Variants in SMYD4 observed in about 807,000 individuals in gnomAD.
SMYD4 encodes SET and MYND domain containing 4, also known as protein-lysine N-methyltransferase SMYD4.
SMYD4 carries 68 observed loss-of-function variants against 72.8 expected under a neutral mutation model. The ratio of observed to expected loss-of-function variants is 0.93; its 90% CI spans 0.77 to 1.14. SMYD4 has a LOEUF of 1.14. Ranked by LOEUF, SMYD4 falls within the 50% of genes most tolerant of loss-of-function variation. The pLI, the probability that SMYD4 is intolerant of heterozygous loss-of-function variation, is 0.00. For synonymous variants in SMYD4, 407 were observed against 388.6 expected, an observed-to-expected ratio of 1.05 and a Z score of -0.56; for missense variants, 984 against 1,003.7, an observed-to-expected ratio of 0.98 and a Z score of 0.27.
rs1345575975 is a variant in SMYD4, at chr17:1,795,512, A to T, written c.1537+4345T>A. 2.6e-5 allele frequency among the ~76,000 whole-genome samples: 4 copies of T among 152,110 alleles called. No individual in the cohort carries two copies. In the East Asian group the frequency reaches 7.7e-4, roughly 29 times the overall value. Reference sequence around the variant, plus strand: ...GGCTGGAGTACAGTGGCACGATCTCAGCTCACTGCAACCTCTACCTTCCAA... The same window carrying T: ...GGCTGGAGTACAGTGGCACGATCTCTGCTCACTGCAACCTCTACCTTCCAA... On this transcript the variant is annotated intron_variant, in intron 5 of 10. Transcript: ENST00000305513.
At chr17:1,785,701 G>T (rs976986074) in intron 7 of SMYD4, among the ~76,000 whole-genome samples, 3 of 150,040 alleles carry the variant, frequency 2.0e-5, no homozygotes, top group Non-Finnish European at 4.4e-5. Context: ...TTGAGGCTGT[G>T]GTAAGCAGAG....
chr17:1,781,658 CG>C (rs1908371511), intron 10 of SMYD4: 2 of 352,588 alleles, frequency 5.7e-6, no homozygotes, highest in Non-Finnish European at 9.9e-6. Context: ...CCTGAGAACA[CG>C]AGGCAAATCT....
At chr17:1,797,491 T>C (rs775966179) in intron 5 of SMYD4, among the ~76,000 whole-genome samples, 8 of 152,266 alleles carry the variant, frequency 5.3e-5, no homozygotes, top group Non-Finnish European at 1.0e-4. Flanking sequence ...TAGTGTTATC[T>C]ATAGGCTCCA....
At position 1,781,418 on chromosome 17, in the gene SMYD4, C is replaced by T. The variant is rs371815483; in HGVS notation, c.2283G>A (p.Leu761=). 2.5e-6 allele frequency: 4 copies of T among 1,613,874 alleles called. No homozygotes were observed. The highest frequency in any genetic ancestry group is 2.7e-5 in the African/African-American group (2 of 74,890). ...CCTCCTCAGCTTTCTGTATTGTGCT[C>T]AGGGCTTCGGGTACTGCAAACCTGA... is the stretch of plus-strand genomic sequence containing the variant. ...FFNGFAVPEA[L]STIQKAEEVL... Residue 761 remains leucine (L), a synonymous_variant, in exon 11 of 11, where the codon CTG becomes CTA. Transcript: ENST00000305513.
chr17:1,792,449 C>A (rs1909100499), intron 5 of SMYD4, among the ~76,000 whole-genome samples: 1 of 152,104 alleles, frequency 6.6e-6, no homozygotes, highest in Non-Finnish European at 1.5e-5. Context: ...GAGATGGAGA[C>A]CACCTTGCTA....
chr17:1,800,175 T>C lies in SMYD4; in HGVS notation c.1219A>G (p.Thr407Ala). ...ESEKNGNIVE[T>A]PIPGCDINGK... is the part of the protein sequence containing the mutation. ...TTAATATCGCATCCAGGAATTGGGG[T>C]CTCAACGATGTTGCCATTTTTCTCA... The change falls in exon 5 of 11, where the codon ACC (threonine) becomes GCC (alanine). Residue 407 changes from threonine (T) to alanine (A), a missense_variant. By Grantham distance (58) the Thr-to-Ala change is moderately conservative (BLOSUM62 0). Coordinates refer to ENST00000305513, the MANE Select transcript of SMYD4 (RefSeq NM_052928.3). 1 of 1,610,706 alleles carries C rather than the reference T, an allele frequency of 6.2e-7. No individual in the cohort carries two copies. Among genetic ancestry groups the C allele is most frequent in the East Asian group, 2.2e-5 (1 of 44,822 alleles).
Position 1,800,417 on chromosome 17 carries a change from G to A in SMYD4, c.977C>T (p.Ala326Val), listed in dbSNP as rs17857049. Residue 326 changes from alanine (A) to valine (V), a missense_variant, in exon 5 of 11, where the codon GCC becomes GTC. Transcript: ENST00000305513. ...TTCTGTCCTGTGGTAGAGCTCCCAG[G>A]CCTGCTGCAAACACTCCTGGCTGCA... ...KYCSQECLQQAWELYHRTECP... is the reference protein window; with the variant it reads ...KYCSQECLQQVWELYHRTECP... 4 of 1,614,138 alleles carry A rather than the reference G, an allele frequency of 2.5e-6. No individual in the cohort carries two copies. Among genetic ancestry groups the A allele is most frequent in the Non-Finnish European group, 3.4e-6 (4 of 1,180,038 alleles).
intron 4 of SMYD4, among the ~76,000 whole-genome samples, chr17:1,802,943 G>A (rs185054230): frequency 5.5e-4 from 84 of 152,306 alleles, no homozygotes; most frequent in African/African-American, 1.9e-3. Flanking sequence ...CACAAGGTCA[G>A]GAGTTTGAGA....
chr17:1,802,319 C>A (rs771420183), intron 4 of SMYD4, among the ~76,000 whole-genome samples: 1 of 151,966 alleles, frequency 6.6e-6, no homozygotes, highest in African/African-American at 2.4e-5. Context: ...AGATGAGACC[C>A]TGGGCTCTAT....
At position 1,804,656 on chromosome 17, in the gene SMYD4, C is replaced by T. The variant is rs1436039487; in HGVS notation, c.339G>A (p.Ser113=). The T allele has an allele frequency of 1.1e-5, 17 of 1,613,618 alleles. No homozygotes were observed. The highest frequency in any genetic ancestry group is 3.3e-5 in the Admixed American group (2 of 59,986). Residue 113 remains serine, a synonymous_variant, in exon 4 of 11, where the codon TCG becomes TCA. Transcript: ENST00000305513. ...ACTGACCCAGGTGGAAGAGGGCTGC[C>T]GAGCGGTTAGCATGACACAGTGACA... The part of the protein sequence containing the change: ...EDMSLCHANR[S]AALFHLGQYE...
At chr17:1,814,123 G>A (rs539762999) in intron 2 of SMYD4, among the ~76,000 whole-genome samples, 2 of 151,880 alleles carry the variant, frequency 1.3e-5, no homozygotes, top group South Asian at 4.2e-4. Flanking sequence ...TGGGCAACAT[G>A]GGAAGACCCT....
At chr17:1,788,432 C>A (rs928726752) in intron 5 of SMYD4, among the ~76,000 whole-genome samples, 1 of 151,898 alleles carries the variant, frequency 6.6e-6, no homozygotes, top group African/African-American at 2.4e-5. Context: ...TCTTTTCAGG[C>A]CCATAGTTTA....
chr17:1,788,782 T>C (rs1460250628), intron 5 of SMYD4, among the ~76,000 whole-genome samples: 4 of 152,102 alleles, frequency 2.6e-5, no homozygotes, highest in African/African-American at 9.7e-5. Context: ...AAAGAAAGCA[T>C]GGTGGATAAT....
intron 5 of SMYD4, 113 bp from the exon 6 acceptor site, chr17:1,787,717 T>C (rs1001218147): frequency 9.3e-7 from 1 of 1,069,694 alleles, no homozygotes; most frequent in Non-Finnish European, 1.3e-6. Flanking sequence ...GTGTGAGTCA[T>C]GGCTCCACAG....
chr17:1,806,549 T>C (rs1460118873), intron 3 of SMYD4, among the ~76,000 whole-genome samples: 1 of 152,042 alleles, frequency 6.6e-6, no homozygotes, highest in Non-Finnish European at 1.5e-5. Context: ...ACTAAATATG[T>C]GAAAAAAAAT....
chr17:1,813,061 C>T (rs1910418964), intron 2 of SMYD4, among the ~76,000 whole-genome samples: 1 of 152,210 alleles, frequency 6.6e-6, no homozygotes, highest in Admixed American at 6.5e-5. Flanking sequence ...GCCTCACCCT[C>T]CCGAGTAGCG....
In SMYD4 at chr17:1,781,935, C is replaced by G. The variant is rs376980713; in HGVS notation, c.2262-496G>C. On this transcript the variant is annotated intron_variant, in intron 10 of 10. Transcript: ENST00000305513. ...TGACCTAACTCTGCAGCCCTTTTCT[C>G]TCTCTCTGACCAAACAGAATGTCTC... The G allele has an allele frequency of 1.9e-4, 29 of 154,216 alleles. 1 individual carries two copies. In the South Asian group the frequency reaches 5.9e-3, roughly 31 times the overall value. The allele number at this position is 154,216 out of a possible 1,614,324, so 9.6% of individuals were successfully genotyped here.
chr17:1,781,304 A>G lies in SMYD4; in HGVS notation c.2397T>C (p.Pro799=). The G allele has an allele frequency of 6.2e-7, 1 of 1,613,466 alleles. No homozygotes were observed. The highest frequency in any genetic ancestry group is 8.5e-7 in the Non-Finnish European group (1 of 1,180,008). ...KSCLLDLPPT[P]VGPAL is the part of the protein sequence containing the mutation. ...TGGAACCCTACAATGCAGGCCCTAC[A>G]GGGGTGGGTGGTAAGTCCAACAAAC... The change falls in exon 11 of 11, where the codon CCT becomes CCC. Residue 799 remains proline, a synonymous_variant. Coordinates refer to ENST00000305513, the MANE Select transcript of SMYD4 (RefSeq NM_052928.3).
intron 3 of SMYD4, among the ~76,000 whole-genome samples, chr17:1,805,398 G>C (rs868564069): frequency 1.3e-5 from 2 of 152,110 alleles, no homozygotes; most frequent in South Asian, 4.2e-4. Context: ...GACAGAGTTG[G>C]ACTGTCACAA....
Sources: gnomAD v4.1 joint callset for allele counts (sites outside exome capture counted in the v4.1 genomes callset) on GRCh38, gnomAD v4.1.1 for gene constraint, MANE v1.5 for transcripts, NCBI Gene and HGNC (gene_info 2026-07-23, HGNC 2026-07-21) for gene names.